Variants in CCDC191 observed in about 807,000 individuals in gnomAD.
CCDC191 encodes the protein coiled-coil domain-containing protein 191.
CCDC191 carries 99 observed loss-of-function variants against 114.0 expected under a neutral mutation model. The observed-to-expected ratio is 0.87, with a 90% CI of 0.74 to 1.03. The LOEUF is 1.03. CCDC191 is among the 50% of genes least tolerant of loss of function. The pLI is 0.00. For synonymous variants in CCDC191, 351 were observed against 376.0 expected (o/e 0.93, Z 0.77); for missense variants, 973 against 1,087.0 (o/e 0.90, Z 1.47).
At chr3:114,006,496 C>T (rs2075961925) in intron 9 of CCDC191, among the ~76,000 whole-genome samples, 1 of 149,872 alleles carries the variant, frequency 6.7e-6, no homozygotes, top group Non-Finnish European at 1.5e-5. Flanking sequence ...TGAACCATTG[C>T]CATGGGCCAG....
At chr3:114,017,976 G>A (rs996001097) in intron 8 of CCDC191, among the ~76,000 whole-genome samples, 1 of 152,118 alleles carries the variant, frequency 6.6e-6, no homozygotes, top group African/African-American at 2.4e-5. Flanking sequence ...TTAAGATGAT[G>A]GAATAAAGAA....
At chr3:114,014,604 C>A (rs2076128243) in intron 8 of CCDC191, among the ~76,000 whole-genome samples, 1 of 152,176 alleles carries the variant, frequency 6.6e-6, no homozygotes, top group South Asian at 2.1e-4. Flanking sequence ...TGCCTATGTA[C>A]TAGTTTACTA....
chr3:113,997,059 G>C (rs1452605271), intron 13 of CCDC191, among the ~76,000 whole-genome samples: 2 of 152,056 alleles, frequency 1.3e-5, no homozygotes, highest in Non-Finnish European at 2.9e-5. Flanking sequence ...AAGATAAATG[G>C]AACTGTACAT....
At chr3:113,997,450 GACC>G (rs1559893849) in intron 13 of CCDC191, among the ~76,000 whole-genome samples, 2 of 152,118 alleles carry the variant, frequency 1.3e-5, no homozygotes, top group African/African-American at 4.8e-5. Flanking sequence ...GTAGCAATTA[GACC>G]CTCAGTACTT....
At chr3:114,028,983 T>TTA (rs1425024119) in intron 7 of CCDC191, among the ~76,000 whole-genome samples, 2 of 151,138 alleles carry the variant, frequency 1.3e-5, no homozygotes, top group African/African-American at 2.4e-5. Flanking sequence ...TATATATATT[T>TTA]TATATATATT....
chr3:114,005,434 G>A, intron 10 of CCDC191, 74 bp downstream of exon 10: 1 of 1,392,470 alleles, frequency 7.2e-7, no homozygotes, highest in Non-Finnish European at 9.8e-7. Flanking sequence ...CAGAAGCAGG[G>A]CAAAGAAGCT....
At chr3:113,966,974 C>A (rs1940242284) in intron 16 of CCDC191, among the ~76,000 whole-genome samples, 1 of 152,086 alleles carries the variant, frequency 6.6e-6, no homozygotes, top group Non-Finnish European at 1.5e-5. Flanking sequence ...TGGCAGGCAC[C>A]TGTAATCCCA....
intron 7 of CCDC191, among the ~76,000 whole-genome samples, chr3:114,026,022 T>C (rs1325215675): frequency 6.6e-6 from 1 of 152,222 alleles, no homozygotes; most frequent in Admixed American, 6.5e-5. Context: ...TATTCTACTC[T>C]ATACAATTTT....
intron 12 of CCDC191, among the ~76,000 whole-genome samples, chr3:114,001,940 T>A (rs1577390904): frequency 6.6e-6 from 1 of 152,214 alleles, no homozygotes. Flanking sequence ...ATCACCAATC[T>A]TTCATTAAAA....
intron 2 of CCDC191, 43 bp downstream of exon 2, chr3:114,053,554 G>C (rs192591946): frequency 1.7e-6 from 2 of 1,205,688 alleles, no homozygotes; most frequent in African/African-American, 3.1e-5. Context: ...GATTATGCTT[G>C]ACTCTTAATA....
intron 13 of CCDC191, among the ~76,000 whole-genome samples, chr3:113,981,059 C>G (rs533695367): frequency 6.6e-6 from 1 of 152,158 alleles, no homozygotes; most frequent in Non-Finnish European, 1.5e-5. Context: ...AATAATTTCT[C>G]TCTCACCAAG....
At chr3:113,977,269 A>G (rs1941438194) in intron 16 of CCDC191, among the ~76,000 whole-genome samples, 1 of 152,240 alleles carries the variant, frequency 6.6e-6, no homozygotes, top group African/African-American at 2.4e-5. Context: ...AGCCCGGGCA[A>G]CAGAGTAATG....
At chr3:114,053,454 A>T (rs2076723925) in intron 2 of CCDC191, 143 bp downstream of exon 2, 1 of 466,330 alleles carries the variant, frequency 2.1e-6, no homozygotes, top group Non-Finnish European at 3.9e-6. Flanking sequence ...ACTAAAAAGT[A>T]TAAAATTAAG....
intron 13 of CCDC191, among the ~76,000 whole-genome samples, chr3:114,000,286 T>G (rs1325673183): frequency 1.3e-5 from 2 of 152,164 alleles, no homozygotes; most frequent in African/African-American, 4.8e-5. Flanking sequence ...AGGAAGAATT[T>G]GCCCCTTTTT....
intron 13 of CCDC191, among the ~76,000 whole-genome samples, chr3:113,994,213 A>G (rs2075653826): frequency 6.6e-6 from 1 of 152,234 alleles, no homozygotes; most frequent in Non-Finnish European, 1.5e-5. Flanking sequence ...CAATAAGTAA[A>G]CAAAAAATGG....
At position 113,978,320 on chromosome 3, in the gene CCDC191, A is replaced by G; in HGVS notation, c.2472T>C (p.Asp824=). 1 of 1,613,934 alleles carries G rather than the reference A, an allele frequency of 6.2e-7. No individual in the cohort carries two copies. ...VIQSWLQYVI[D]LQEEVRKFCV... Reference sequence around the variant, plus strand: ...AAAATTTTCTTACTTCTTCCTGCAGATCAATCACGTACTGGGGATGAAGAC... The same window carrying G: ...AAAATTTTCTTACTTCTTCCTGCAGGTCAATCACGTACTGGGGATGAAGAC... The change falls in exon 16 of 17, where the codon GAT becomes GAC. Residue 824 remains aspartate, a synonymous_variant. Transcript: ENST00000295878.
chr3:114,026,446 C>T (rs2076321811), intron 7 of CCDC191, among the ~76,000 whole-genome samples: 1 of 152,236 alleles, frequency 6.6e-6, no homozygotes, highest in Non-Finnish European at 1.5e-5. Flanking sequence ...TCCCAGTAAT[C>T]TTCCTATGTG....
At chr3:114,033,361 T>C (rs1483970337) in intron 6 of CCDC191, among the ~76,000 whole-genome samples, 1 of 152,220 alleles carries the variant, frequency 6.6e-6, no homozygotes, top group Admixed American at 6.5e-5. Context: ...TCTGTTATTA[T>C]AAATAATGTT....
chr3:114,020,237 C>G (rs889964916), intron 7 of CCDC191, among the ~76,000 whole-genome samples: 4 of 152,082 alleles, frequency 2.6e-5, no homozygotes, highest in African/African-American at 4.8e-5. Flanking sequence ...TTGATATGAC[C>G]TCTACTTCTA....
Sources: allele counts gnomAD v4.1 joint callset (sites outside exome capture counted in the v4.1 genomes callset), GRCh38; gene constraint gnomAD v4.1.1; transcripts MANE v1.5; gene names NCBI Gene and HGNC (gene_info 2026-07-23, HGNC 2026-07-21).